Variants in SLC20A2 observed in about 807,000 individuals in gnomAD.
SLC20A2 encodes the protein solute carrier family 20 member 2.
Under a neutral mutation model 61.0 loss-of-function variants are expected in SLC20A2, and 30 were observed. That is an observed-to-expected ratio of 0.49 (90% confidence interval 0.37 to 0.67). The LOEUF is 0.67. Among genes scored for constraint, SLC20A2 ranks in the 30% least tolerant of loss-of-function variants. SLC20A2 has a pLI of 0.00. For missense variants in SLC20A2, 626 were observed against 866.4 expected, an observed-to-expected ratio of 0.72 and a Z score of 3.48; for synonymous variants, 351 against 353.3, an observed-to-expected ratio of 0.99 and a Z score of 0.07.
chr8:42,430,389 G>GCAAGAC, intron 8 of SLC20A2, 140 bp from the exon 9 acceptor site: 3 of 759,008 alleles, frequency 4.0e-6, no homozygotes, highest in Non-Finnish European at 6.1e-6. Flanking sequence ...TTGAGACAGA[G>GCAAGAC]TCTTGCTCTG....
chr8:42,442,046 G>A (rs987945035), intron 6 of SLC20A2, among the ~76,000 whole-genome samples: 6 of 148,664 alleles, frequency 4.0e-5, no homozygotes, highest in Non-Finnish European at 8.8e-5. Context: ...CAATTCTCCT[G>A]CCTCAGCCTC....
At chr8:42,455,241 A>AAAT (rs1416804518) in intron 5 of SLC20A2, among the ~76,000 whole-genome samples, 80 of 102,568 alleles carry the variant, frequency 7.8e-4, no homozygotes, top group South Asian at 5.5e-3. Flanking sequence ...AAAAAAAAAA[A>AAAT]ATATATATAT....
chr8:42,439,282 C>T (rs1045903390), intron 7 of SLC20A2, among the ~76,000 whole-genome samples, 168 bp downstream of exon 7: 6 of 152,200 alleles, frequency 3.9e-5, no homozygotes, highest in African/African-American at 1.2e-4. Flanking sequence ...CTGCTGACTA[C>T]GAAATGGTTT....
At position 42,417,664 on chromosome 8, in the gene SLC20A2, C is replaced by T; in HGVS notation, c.*139G>A. On this transcript the variant is annotated 3_prime_UTR_variant, in exon 11 of 11. Coordinates refer to ENST00000520262, the MANE Select transcript of SLC20A2 (RefSeq NM_001257180.2). ...CTGGGTGAACAGTGTGGGATGGAGCCTCCTGGAAGGGAGGCAGAGAGCTGG... is the reference window on the plus strand; with the variant it reads ...CTGGGTGAACAGTGTGGGATGGAGCTTCCTGGAAGGGAGGCAGAGAGCTGG... 1.1e-6 allele frequency: 1 copy of T among 890,770 alleles called. No individual in the cohort carries two copies. The highest frequency in any genetic ancestry group is 1.7e-6 in the Non-Finnish European group (1 of 583,678). The allele number at this position is 890,770 out of a possible 1,614,324, so 55.2% of individuals were successfully genotyped here.
intron 1 of SLC20A2, among the ~76,000 whole-genome samples, chr8:42,528,831 T>C (rs1306583823): frequency 6.6e-6 from 1 of 151,936 alleles, no homozygotes; most frequent in Non-Finnish European, 1.5e-5. Context: ...CATGCCCGAC[T>C]AATTTTTGTA....
chr8:42,527,399 T>G (rs1051146474), intron 1 of SLC20A2, among the ~76,000 whole-genome samples: 2 of 147,582 alleles, frequency 1.4e-5, no homozygotes, highest in African/African-American at 2.5e-5. Flanking sequence ...AAAAAGAAAC[T>G]AGATGTGGAG....
chr8:42,526,216 A>C (rs1811923941), intron 1 of SLC20A2, among the ~76,000 whole-genome samples: 1 of 152,166 alleles, frequency 6.6e-6, no homozygotes, highest in Admixed American at 6.5e-5. Flanking sequence ...ATGTGATGAA[A>C]ATGGCCTGCT....
intron 1 of SLC20A2, among the ~76,000 whole-genome samples, chr8:42,493,033 C>T (rs1351579696): frequency 6.6e-6 from 1 of 152,204 alleles, no homozygotes; most frequent in Non-Finnish European, 1.5e-5. Context: ...AGATTCAATT[C>T]AGTCTGAATT....
intron 8 of SLC20A2, among the ~76,000 whole-genome samples, chr8:42,431,070 G>C (rs543548194): frequency 6.6e-6 from 1 of 152,304 alleles, no homozygotes; most frequent in South Asian, 2.1e-4. Context: ...GAAAGGAAGA[G>C]TTGCATGTCT....
At chr8:42,498,195 C>CA in intron 1 of SLC20A2, among the ~76,000 whole-genome samples, 1 of 152,294 alleles carries the variant, frequency 6.6e-6, no homozygotes, top group East Asian at 1.9e-4. Context: ...GTTTTAGGTG[C>CA]AAGTGAAACT....
intron 10 of SLC20A2, among the ~76,000 whole-genome samples, 174 bp from the exon 11 acceptor site, chr8:42,418,141 C>T (rs1055562706): frequency 3.9e-5 from 6 of 152,192 alleles, no homozygotes; most frequent in African/African-American, 1.4e-4. Context: ...GGGGATTCTT[C>T]TCTTCAGCAT....
intron 1 of SLC20A2, among the ~76,000 whole-genome samples, chr8:42,486,166 G>A (rs1808994069): frequency 6.6e-6 from 1 of 151,928 alleles, no homozygotes; most frequent in Admixed American, 6.6e-5. Context: ...GTGTGTGTGT[G>A]TGTATGTGTG....
At chr8:42,532,178 T>C (rs868399780) in intron 1 of SLC20A2, among the ~76,000 whole-genome samples, 7 of 152,258 alleles carry the variant, frequency 4.6e-5, no homozygotes, top group Middle Eastern at 3.4e-3. Flanking sequence ...TAAAGGAGAA[T>C]GTAAACTACA....
At chr8:42,487,165 A>ATTTTTAAGTGTTGAAATAC (rs1189821315) in intron 1 of SLC20A2, among the ~76,000 whole-genome samples, 2 of 98,366 alleles carry the variant, frequency 2.0e-5, no homozygotes, top group East Asian at 3.1e-4. Flanking sequence ...GTGCTTGGCC[A>ATTTTTAAGTGTTGAAATAC]TGGTTTCTTT....
At chr8:42,428,919 C>A in intron 9 of SLC20A2, 77 bp from the exon 10 acceptor site, 1 of 1,196,178 alleles carries the variant, frequency 8.4e-7, no homozygotes, top group African/African-American at 1.6e-5. Context: ...GCTAGAGGCT[C>A]ACCAGAACAT....
chr8:42,431,213 G>C (rs2130971618), intron 8 of SLC20A2, among the ~76,000 whole-genome samples: 1 of 152,338 alleles, frequency 6.6e-6, no homozygotes, highest in Non-Finnish European at 1.5e-5. Flanking sequence ...AAAGCTTCTT[G>C]AAGGAAATTT....
chr8:42,511,184 G>A (rs1456033710), intron 1 of SLC20A2, among the ~76,000 whole-genome samples: 1 of 152,190 alleles, frequency 6.6e-6, no homozygotes, highest in African/African-American at 2.4e-5. Flanking sequence ...TCTATAAGAG[G>A]CACTTGAAGG....
At chr8:42,527,566 T>C (rs1812053316) in intron 1 of SLC20A2, among the ~76,000 whole-genome samples, 1 of 151,714 alleles carries the variant, frequency 6.6e-6, no homozygotes, top group Non-Finnish European at 1.5e-5. Flanking sequence ...TCACCTGAGG[T>C]TGGGAGTTCA....
chr8:42,472,065 G>A lies in SLC20A2; in HGVS notation c.289+37C>T. The A allele has an allele frequency of 6.3e-7, 1 of 1,593,228 alleles. No homozygotes were observed. The highest frequency in any genetic ancestry group is 8.6e-7 in the Non-Finnish European group (1 of 1,164,466). On this transcript the variant is annotated intron_variant, in intron 2 of 10. Transcript: ENST00000520262. The surrounding 1 kb of genome is among the most constrained non-coding windows in gnomAD (Gnocchi z 4.1). ...GTACTGCAGGGAAGCGGGTCAGTGG[G>A]CGGATGTCCCATCGGTATAGAGAAG... is the stretch of plus-strand genomic sequence containing the variant.
Sources: gnomAD v4.1 joint callset for allele counts (sites outside exome capture counted in the v4.1 genomes callset) on GRCh38, gnomAD v4.1.1 for gene constraint, Gnocchi (gnomAD v3.1) non-coding constraint, MANE v1.5 for transcripts, NCBI Gene and HGNC (gene_info 2026-07-23, HGNC 2026-07-21) for gene names.